The following SMYD3 variants were observed in gnomAD, a reference collection of about 807,000 sequenced individuals.
The protein encoded by SMYD3 is SET and MYND domain containing 3, also known as histone-lysine N-methyltransferase SMYD3.
Under a neutral mutation model 57.7 loss-of-function variants are expected in SMYD3, and 36 were observed. That is an observed-to-expected ratio of 0.62 (90% CI 0.48 to 0.82). SMYD3 has a LOEUF of 0.82. SMYD3 is among the 40% of genes least tolerant of loss of function. SMYD3 has a pLI of 0.00. For missense variants in SMYD3, 515 were observed against 538.8 expected (o/e 0.96, Z 0.44); for synonymous variants, 211 against 195.0 (o/e 1.08, Z -0.68).
At chr1:245,753,404 TA>T (rs1471345849) in intron 11 of SMYD3, among the ~76,000 whole-genome samples, 1 of 152,180 alleles carries the variant, frequency 6.6e-6, no homozygotes, top group Non-Finnish European at 1.5e-5. Context: ...TAGGATTCAG[TA>T]ATGTGCAAAA....
At chr1:246,282,207 C>A (rs1192925512) in intron 5 of SMYD3, among the ~76,000 whole-genome samples, 1 of 147,696 alleles carries the variant, frequency 6.8e-6, no homozygotes, top group Non-Finnish European at 1.5e-5. Flanking sequence ...GTGGTTCATG[C>A]CCGTAATCCT....
intron 2 of SMYD3, among the ~76,000 whole-genome samples, chr1:246,343,664 CT>C (rs2065664868): frequency 6.6e-6 from 1 of 152,218 alleles, no homozygotes; most frequent in South Asian, 2.1e-4. Context: ...CCCTTCTCTA[CT>C]TTTGGCTTGA....
chr1:245,870,699 T>C (rs2052139148), intron 8 of SMYD3, among the ~76,000 whole-genome samples: 1 of 152,186 alleles, frequency 6.6e-6, no homozygotes, highest in African/African-American at 2.4e-5. Context: ...GGTTTCGGAG[T>C]GGGAAGTTTA....
At chr1:246,274,859 A>C (rs2064299074) in intron 5 of SMYD3, among the ~76,000 whole-genome samples, 1 of 152,144 alleles carries the variant, frequency 6.6e-6, no homozygotes, top group African/African-American at 2.4e-5. Context: ...AAACATAGGC[A>C]ACACTCTACC....
At chr1:246,391,332 A>T (rs953114485) in intron 1 of SMYD3, among the ~76,000 whole-genome samples, 1 of 151,238 alleles carries the variant, frequency 6.6e-6, no homozygotes, top group Non-Finnish European at 1.5e-5. Context: ...GTGAGCTTTG[A>T]TTCCACCACT....
At chr1:245,827,060 C>T (rs2049542717) in intron 10 of SMYD3, among the ~76,000 whole-genome samples, 1 of 152,174 alleles carries the variant, frequency 6.6e-6, no homozygotes. Context: ...GCCACCGCTG[C>T]TACCTGTTGA....
At chr1:246,107,180 G>A (rs1365746074) in intron 5 of SMYD3, among the ~76,000 whole-genome samples, 3 of 150,548 alleles carry the variant, frequency 2.0e-5, no homozygotes, top group Admixed American at 6.6e-5. Context: ...CCAGCTACTC[G>A]GGAGGTTGAG....
chr1:246,397,966 GAACAAC>G (rs138419781), intron 1 of SMYD3, among the ~76,000 whole-genome samples: 4 of 150,012 alleles, frequency 2.7e-5, no homozygotes, highest in Non-Finnish European at 4.4e-5. Flanking sequence ...AGGGGAGAAA[GAACAAC>G]AACAACAACA....
Position 246,058,371 on chromosome 1 carries a change from C to T in SMYD3, c.532-128434G>A, listed in dbSNP as rs549431123. On this transcript the variant is annotated intron_variant, in intron 5 of 11. Transcript: ENST00000490107. The stretch of plus-strand genomic sequence containing the variant: ...GGGATATGAGAAAACTCTGTACCTT[C>T]CTCTCAATTATGCTGTGAACCTAAA... Among the ~76,000 whole-genome samples, 37 of 152,174 alleles carry T rather than the reference C, an allele frequency of 2.4e-4. No homozygotes were observed. In the East Asian group the frequency reaches 6.8e-3, roughly 28 times the overall value.
intron 1 of SMYD3, among the ~76,000 whole-genome samples, chr1:246,431,031 C>A (rs183879586): frequency 6.6e-6 from 1 of 152,188 alleles, no homozygotes; most frequent in Admixed American, 6.5e-5. Context: ...TGGCTGAAAG[C>A]AGTACACATG....
intron 5 of SMYD3, among the ~76,000 whole-genome samples, chr1:246,173,660 A>T (rs1405317333): frequency 6.6e-6 from 1 of 152,220 alleles, no homozygotes; most frequent in Non-Finnish European, 1.5e-5. Flanking sequence ...GGGGTCATGA[A>T]TAGCACTGTC....
chr1:246,377,057 A>G (rs1215948728), intron 1 of SMYD3, among the ~76,000 whole-genome samples: 1 of 152,076 alleles, frequency 6.6e-6, no homozygotes, highest in Admixed American at 6.6e-5. Context: ...CCGAGATCAC[A>G]CCATTGTACT....
At chr1:245,801,618 G>T (rs889495280) in intron 10 of SMYD3, among the ~76,000 whole-genome samples, 1 of 151,960 alleles carries the variant, frequency 6.6e-6, no homozygotes, top group African/African-American at 2.4e-5. Context: ...CAATGATTTC[G>T]ATTTTGTAGG....
intron 5 of SMYD3, among the ~76,000 whole-genome samples, chr1:246,295,904 G>A (rs1181481331): frequency 6.6e-6 from 1 of 152,168 alleles, no homozygotes; most frequent in Non-Finnish European, 1.5e-5. Flanking sequence ...CCCCAAGGGA[G>A]GTATGAATTA....
chr1:245,827,152 G>A (rs1406022651), intron 10 of SMYD3, among the ~76,000 whole-genome samples: 1 of 152,190 alleles, frequency 6.6e-6, no homozygotes, highest in African/African-American at 2.4e-5. Flanking sequence ...AGATGAGAAA[G>A]TTGAGGCCCA....
chr1:246,504,251 C>T (rs1377812574), intron 1 of SMYD3, among the ~76,000 whole-genome samples: 1 of 152,108 alleles, frequency 6.6e-6, no homozygotes, highest in Non-Finnish European at 1.5e-5. Flanking sequence ...GATGTGCATC[C>T]CTTAAGGACA....
intron 5 of SMYD3, among the ~76,000 whole-genome samples, chr1:246,253,641 AGT>A (rs2148504757): frequency 6.6e-6 from 1 of 152,240 alleles, no homozygotes; most frequent in African/African-American, 2.4e-5. Context: ...TTCTTTCAGC[AGT>A]GTTTTCTAGT....
chr1:245,897,449 A>T (rs1344366732), intron 8 of SMYD3, among the ~76,000 whole-genome samples: 2 of 152,240 alleles, frequency 1.3e-5, no homozygotes, highest in Non-Finnish European at 2.9e-5. Flanking sequence ...ATTTGCAAGA[A>T]ATAACACTAG....
At chr1:245,894,957 C>T (rs1232752302) in intron 8 of SMYD3, among the ~76,000 whole-genome samples, 1 of 152,230 alleles carries the variant, frequency 6.6e-6, no homozygotes, top group African/African-American at 2.4e-5. Flanking sequence ...CTGGTGAGCA[C>T]AGCTGCCTGT....
Sources: allele counts gnomAD v4.1 joint callset (sites outside exome capture counted in the v4.1 genomes callset), GRCh38; gene constraint gnomAD v4.1.1; transcripts MANE v1.5; gene names NCBI Gene and HGNC (gene_info 2026-07-23, HGNC 2026-07-21).